STMN1: variants seen among roughly 807,000 people sequenced by gnomAD.
The protein encoded by STMN1 is stathmin 1.
Under a neutral mutation model 19.7 loss-of-function variants are expected in STMN1, and 3 were observed. The observed-to-expected ratio is 0.15, with a 90% CI of 0.07 to 0.39. The LOEUF is 0.39. STMN1 is among the 10% of genes least tolerant of loss of function. STMN1 has a pLI of 1.00. For synonymous variants in STMN1, 59 were observed against 58.9 expected (o/e 1.00, Z -0.01); for missense variants, 99 against 176.0 (o/e 0.56, Z 2.48).
At chr1:25,901,278 T>TA in intron 4 of STMN1, 191 bp from the exon 5 acceptor site, 6 of 1,203,810 alleles carry the variant, frequency 5.0e-6, no homozygotes, top group Non-Finnish European at 6.8e-6. Flanking sequence ...TTGTAGAACC[T>TA]AACAAGCTGC....
At chr1:25,888,761 T>C (rs935785558) in intron 4 of STMN1, among the ~76,000 whole-genome samples, 7 of 152,202 alleles carry the variant, frequency 4.6e-5, no homozygotes, top group Non-Finnish European at 1.0e-4. Flanking sequence ...CATCTCCCTG[T>C]CCCAGCCATC....
At chr1:25,885,740 G>T (rs2048715529) in exon 5 of STMN1, 5 of 1,551,284 alleles carry the variant, frequency 3.2e-6, no homozygotes, top group African/African-American at 2.7e-5. Context: ...TGGTGAGAGA[G>T]ATCAGACCAG....
At chr1:25,889,334 T>G (rs991548560) in intron 4 of STMN1, among the ~76,000 whole-genome samples, 1 of 152,186 alleles carries the variant, frequency 6.6e-6, no homozygotes, top group South Asian at 2.1e-4. Context: ...AAAACACTTT[T>G]CAGGTTTCTG....
At position 25,900,338 on chromosome 1, in the gene STMN1, A is replaced by G. The variant is rs970810695; in HGVS notation, c.*678T>C. 4 of 985,792 alleles carry G rather than the reference A, an allele frequency of 4.1e-6. No homozygotes were observed. The highest frequency in any genetic ancestry group is 4.8e-6 in the Non-Finnish European group (4 of 829,952). 61.1% of individuals were successfully genotyped at this position (985,792 alleles called of 1,614,324 possible). On this transcript the variant is annotated 3_prime_UTR_variant, in exon 5 of 5. Transcript: ENST00000455785. Reference sequence around the variant, plus strand: ...AAAAAATGGTTGTTTGCAAATAAACATCTGAAAGAAAGTAACAGCTGACCT... The same window carrying G: ...AAAAAATGGTTGTTTGCAAATAAACGTCTGAAAGAAAGTAACAGCTGACCT...
intron 4 of STMN1, among the ~76,000 whole-genome samples, chr1:25,891,071 G>A (rs1352598116): frequency 1.3e-5 from 2 of 152,180 alleles, no homozygotes; most frequent in Admixed American, 1.3e-4. Flanking sequence ...AGCAGCTCAT[G>A]TCTGTAATCC....
At chr1:25,899,054 T>C (rs2048846166), downstream of STMN1, among the ~76,000 whole-genome samples, 1 of 152,144 alleles carries the variant, frequency 6.6e-6, no homozygotes, top group Non-Finnish European at 1.5e-5. Context: ...GTAAGATGCA[T>C]CCCCTTCAGT....
At chr1:25,900,025 G>T, downstream of STMN1, 1 of 925,664 alleles carries the variant, frequency 1.1e-6, no homozygotes, top group Non-Finnish European at 1.3e-6. Flanking sequence ...ACAGCCTCTG[G>T]ATACAAGATG....
At chr1:25,901,293 T>C in intron 4 of STMN1, 198 bp downstream of exon 4, 1 of 1,148,768 alleles carries the variant, frequency 8.7e-7, no homozygotes, top group Non-Finnish European at 1.2e-6. Flanking sequence ...AGCTGCCTAC[T>C]GGACTTCCAA....
intron 2 of STMN1, 130 bp from the exon 3 acceptor site, chr1:25,903,943 T>A: frequency 1.0e-6 from 1 of 958,476 alleles, no homozygotes; most frequent in Non-Finnish European, 1.5e-6. Flanking sequence ...TTGTGTTTTT[T>A]TTCCCCTTTT....
downstream of STMN1, chr1:25,900,061 G>A (rs146550742): frequency 2.0e-4 from 197 of 984,202 alleles, 1 homozygote; most frequent in African/African-American, 3.1e-3. Context: ...TTAACCACCC[G>A]AGTCAAATGC....
chr1:25,899,849 T>C (rs1197233462), downstream of STMN1, among the ~76,000 whole-genome samples: 1 of 152,164 alleles, frequency 6.6e-6, no homozygotes. Flanking sequence ...CCCACCGCAG[T>C]ATTAGCAATC....
downstream of STMN1, chr1:25,884,746 T>C (rs1282633926): frequency 8.0e-6 from 1 of 125,756 alleles, no homozygotes; most frequent in Non-Finnish European, 1.7e-5. Flanking sequence ...CCCAGAGAAA[T>C]AAAGGGCCTT....
chr1:25,905,592 A>T (rs1334879919), intron 1 of STMN1: 2 of 151,996 alleles, frequency 1.3e-5, no homozygotes, highest in East Asian at 3.9e-4. Flanking sequence ...CGCCTTTTCG[A>T]ATCTCCCCGA....
downstream of STMN1, among the ~76,000 whole-genome samples, chr1:25,896,155 C>A (rs910689499): frequency 1.3e-5 from 2 of 152,198 alleles, no homozygotes; most frequent in Non-Finnish European, 2.9e-5. Context: ...TGAGTCCTGA[C>A]TCTACTGCTT....
At chr1:25,896,382 G>T (rs1426588551), downstream of STMN1, among the ~76,000 whole-genome samples, 1 of 152,152 alleles carries the variant, frequency 6.6e-6, no homozygotes, top group Non-Finnish European at 1.5e-5. Context: ...TGAATACTGG[G>T]GCTTTCTGCC....
In STMN1 at chr1:25,900,477, A is replaced by G. The variant is rs926179644; in HGVS notation, c.*539T>C. ...CATTTGTGCGTTGGGTATTTCTACC[A>G]GCCCCAAAGGCCCCATCTGGAACAA... On this transcript the variant is annotated 3_prime_UTR_variant, in exon 5 of 5. Coordinates refer to ENST00000455785, the MANE Select transcript of STMN1 (RefSeq NM_005563.4). 1.0e-6 allele frequency: 1 copy of G among 985,800 alleles called. No individual in the cohort carries two copies. Among genetic ancestry groups the G allele is most frequent in the Non-Finnish European group, 1.2e-6 (1 of 830,002 alleles). 61.1% of individuals were successfully genotyped at this position (985,800 alleles called of 1,614,324 possible).
At chr1:25,905,230 G>A (rs2048924761) in intron 1 of STMN1, 1 of 152,312 alleles carries the variant, frequency 6.6e-6, no homozygotes, top group Non-Finnish European at 1.5e-5. Context: ...TTGTCCCTCA[G>A]GTTTAAGCTT....
At chr1:25,894,382 T>TA (rs570079847) in intron 4 of STMN1, among the ~76,000 whole-genome samples, 111 of 147,948 alleles carry the variant, frequency 7.5e-4, no homozygotes, top group South Asian at 3.8e-3. Context: ...AACGCTGGCT[T>TA]AAAAAAAAAA....
At chr1:25,895,788 C>T (rs115388142), downstream of STMN1, among the ~76,000 whole-genome samples, 2 of 152,348 alleles carry the variant, frequency 1.3e-5, no homozygotes, top group East Asian at 3.9e-4. Flanking sequence ...CCAGTTTGTG[C>T]GTTCGGATCC....
Sources: gnomAD v4.1 joint callset for allele counts (sites outside exome capture counted in the v4.1 genomes callset) on GRCh38, gnomAD v4.1.1 for gene constraint, MANE v1.5 for transcripts, NCBI Gene and HGNC (gene_info 2026-07-23, HGNC 2026-07-21) for gene names.